The following DBT variants were observed in gnomAD, a reference collection of about 807,000 sequenced individuals.
DBT encodes lipoamide acyltransferase component of branched-chain alpha-keto acid dehydrogenase complex, mitochondrial.
A neutral mutation model predicts 51.3 loss-of-function variants in DBT; 40 were observed. The ratio of observed to expected loss-of-function variants is 0.78; its 90% CI spans 0.61 to 1.02. The LOEUF (loss-of-function observed/expected upper bound fraction) is 1.02, where lower values mean the gene tolerates loss of function less well. Ranked by LOEUF, DBT falls within the 50% of genes least tolerant of loss-of-function variation. The pLI is 0.00. For missense variants in DBT, 510 were observed against 580.2 expected (o/e 0.88, Z 1.24); for synonymous variants, 181 against 190.4 (o/e 0.95, Z 0.41).
At chr1:100,234,989 T>C (rs1663782858) in intron 3 of DBT, among the ~76,000 whole-genome samples, 2 of 152,116 alleles carry the variant, frequency 1.3e-5, no homozygotes, top group South Asian at 4.1e-4. Flanking sequence ...AAAAATGGGG[T>C]AGAGGATGAA....
rs1664812664 is a variant in DBT at position 100,249,824 on chromosome 1, A to G, written c.-4T>C. The G allele has an allele frequency of 6.2e-7, 1 of 1,613,954 alleles. No individual in the cohort carries two copies. Among genetic ancestry groups the G allele is most frequent in the East Asian group, 2.2e-5 (1 of 44,860 alleles). ...TCAGCATACGGACTGCAGCCATCTTACCCCGGAAATGACAACAGTGCCGCA... is the reference window on the plus strand; with the variant it reads ...TCAGCATACGGACTGCAGCCATCTTGCCCCGGAAATGACAACAGTGCCGCA... On this transcript the variant is annotated 5_prime_UTR_variant, in exon 1 of 11. Coordinates refer to ENST00000370132, the MANE Select transcript of DBT (RefSeq NM_001918.5).
chr1:100,214,980 A>G lies in DBT; in HGVS notation c.776T>C (p.Phe259Ser). The change falls in exon 7 of 11, where the codon TTT becomes TCT. Residue 259 changes from phenylalanine to serine, a missense_variant. Coordinates refer to ENST00000370132, the MANE Select transcript of DBT (RefSeq NM_001918.5). ...GKDKTEPIKGFQKAMVKTMSA... is the reference protein window; with the variant it reads ...GKDKTEPIKGSQKAMVKTMSA... ...CATAGTCTTGACCATTGCTTTTTGAAAGCCTGAAAAGCATTAAATTGTTAT... is the reference window on the plus strand; with the variant it reads ...CATAGTCTTGACCATTGCTTTTTGAGAGCCTGAAAAGCATTAAATTGTTAT... 7.5e-6 allele frequency: 12 copies of G among 1,601,828 alleles called. No homozygotes were observed. Among genetic ancestry groups the G allele is most frequent in the Non-Finnish European group, 1.0e-5 (12 of 1,168,850 alleles).
chr1:100,232,306 TTG>T (rs1663594647), intron 3 of DBT, among the ~76,000 whole-genome samples: 1 of 152,064 alleles, frequency 6.6e-6, no homozygotes, highest in Non-Finnish European at 1.5e-5. Flanking sequence ...GTTGTTGTTG[TTG>T]TTGTTGTTGT....
At chr1:100,245,950 TC>T (rs1192563476) in intron 1 of DBT, among the ~76,000 whole-genome samples, 2 of 147,196 alleles carry the variant, frequency 1.4e-5, no homozygotes, top group African/African-American at 5.1e-5. Flanking sequence ...AGAACTTGTC[TC>T]AAAAATAATA....
rs550926977 is a variant in DBT, at chr1:100,221,085, T to G, written c.434-2338A>C. Among the ~76,000 whole-genome samples the G allele has an allele frequency of 2.6e-5, 4 of 152,316 alleles. No individual in the cohort carries two copies. In the East Asian group the frequency reaches 7.7e-4, roughly 29 times the overall value. On this transcript the variant is annotated intron_variant, in intron 4 of 10. Transcript: ENST00000370132. ...ATCCAAATATATAACATACAAAAATTATTACATTATTCCAAAAGACCAAGT... is the reference window on the plus strand; with the variant it reads ...ATCCAAATATATAACATACAAAAATGATTACATTATTCCAAAAGACCAAGT...
intron 4 of DBT, among the ~76,000 whole-genome samples, chr1:100,224,991 C>T (rs1663082916): frequency 1.4e-5 from 2 of 138,790 alleles, no homozygotes; most frequent in South Asian, 4.7e-4. Context: ...TGCACTCCAG[C>T]CTGGCGACAG....
chr1:100,195,505 TATTTC>T lies in DBT; in HGVS notation c.*745_*749del, dbSNP rs774721191. ...CTCAAAAGAGAAGTATAATTGCACT[TATTTC>T]ATACAACAATTAGCATAATAACGGA... On this transcript the variant is annotated 3_prime_UTR_variant, in exon 11 of 11. Coordinates refer to ENST00000370132, the MANE Select transcript of DBT (RefSeq NM_001918.5). The T allele has an allele frequency of 3.3e-5, 5 of 152,408 alleles. No individual in the cohort carries two copies. Among genetic ancestry groups the T allele is most frequent in the African/African-American group, 4.8e-5 (2 of 41,564 alleles). The allele number at this position is 152,408 out of a possible 1,614,324, so 9.4% of individuals were successfully genotyped here.
rs2100760846 is a variant in DBT, at chr1:100,196,297, G to C, written c.1407C>G (p.Ser469=). 1.9e-6 allele frequency: 3 copies of C among 1,613,732 alleles called. No individual in the cohort carries two copies. Residue 469 remains serine, a synonymous_variant, in exon 11 of 11, where the codon TCC becomes TCG. Transcript: ENST00000370132. ...GCATAAAAGCTGGGTTTTCTAAATA[G>C]GATTTCCACAAATTGGAGAAGCGTG... The part of the protein sequence containing the change: ...TMSRFSNLWK[S]YLENPAFMLL...
At chr1:100,235,868 G>A (rs1663832394) in intron 2 of DBT, among the ~76,000 whole-genome samples, 1 of 152,158 alleles carries the variant, frequency 6.6e-6, no homozygotes, top group Non-Finnish European at 1.5e-5. Context: ...GACCCAGCTA[G>A]ATATCCTTGT....
rs1453403647 is a variant in DBT, at chr1:100,196,041, C to T, written c.*214G>A. On this transcript the variant is annotated 3_prime_UTR_variant, in exon 11 of 11. Transcript: ENST00000370132. ...CCATATTAAGAAGTCACACTCTGAC[C>T]TATAAAATGTGACAGCCCCAGGAGA... 1.5e-5 allele frequency: 9 copies of T among 597,572 alleles called. 1 individual carries two copies. The highest frequency in any genetic ancestry group is 1.2e-4 in the South Asian group (6 of 50,018). 37.0% of individuals were successfully genotyped at this position (597,572 alleles called of 1,614,324 possible). A position where few individuals can be genotyped will look rare whatever the true frequency, so the allele number is the denominator to read the frequency against.
intron 1 of DBT, among the ~76,000 whole-genome samples, chr1:100,241,368 G>T (rs1261925296): frequency 7.0e-4 from 4 of 5,732 alleles, no homozygotes; most frequent in African/African-American, 7.6e-4. Context: ...GAAAGGTATT[G>T]TGTGTGTGTG....
chr1:100,248,095 C>T (rs1664651582), intron 1 of DBT, among the ~76,000 whole-genome samples: 1 of 148,166 alleles, frequency 6.7e-6, no homozygotes, highest in Admixed American at 6.7e-5. Context: ...GAGAGAGACT[C>T]CATTTCAAAA....
rs1236976273 is a variant in DBT, at chr1:100,193,114, A to G, written c.*3141T>C. Reference sequence around the variant, plus strand: ...AAATCCTTTGCTGAATTCTCAATGCATGAGACCAAAGAGAAGATAGTAATA... The same window carrying G: ...AAATCCTTTGCTGAATTCTCAATGCGTGAGACCAAAGAGAAGATAGTAATA... On this transcript the variant is annotated 3_prime_UTR_variant, in exon 11 of 11. Transcript: ENST00000370132. 6.6e-6 allele frequency: 1 copy of G among 152,248 alleles called. No individual in the cohort carries two copies. The highest frequency in any genetic ancestry group is 1.5e-5 in the Non-Finnish European group (1 of 68,064). 9.4% of individuals were successfully genotyped at this position (152,248 alleles called of 1,614,324 possible).
intron 1 of DBT, among the ~76,000 whole-genome samples, chr1:100,245,550 A>G (rs1664484929): frequency 6.6e-6 from 1 of 152,234 alleles, no homozygotes; most frequent in Non-Finnish European, 1.5e-5. Context: ...ATTCAAGGCA[A>G]TTATTAATAA....
Position 100,218,704 on chromosome 1 carries a change from A to G in DBT, c.477T>C (p.Asp159=). The change falls in exon 5 of 11, where the codon GAT becomes GAC. Residue 159 remains aspartate (D), a synonymous_variant. Coordinates refer to ENST00000370132, the MANE Select transcript of DBT (RefSeq NM_001918.5). ...CCTTTATCTCTTGGTGTGTATGTTC[A>G]TCATGAGACACTGCAGGAGTTTCAA... The part of the protein sequence containing the change: ...DVVETPAVSH[D]EHTHQEIKGR... 6.2e-7 allele frequency: 1 copy of G among 1,614,046 alleles called. No individual in the cohort carries two copies. Among genetic ancestry groups the G allele is most frequent in the East Asian group, 2.2e-5 (1 of 44,876 alleles).
At chr1:100,244,927 T>G (rs1664455505) in intron 1 of DBT, among the ~76,000 whole-genome samples, 1 of 151,852 alleles carries the variant, frequency 6.6e-6, no homozygotes, top group African/African-American at 2.4e-5. Context: ...ACTGAGGTAA[T>G]TAATAGTAGA....
intron 2 of DBT, among the ~76,000 whole-genome samples, chr1:100,238,594 C>T (rs1337774883): frequency 1.3e-5 from 2 of 152,032 alleles, no homozygotes; most frequent in Non-Finnish European, 2.9e-5. Flanking sequence ...CTCTGGGGCT[C>T]AGGTGATCCT....
intron 4 of DBT, 68 bp downstream of exon 4, chr1:100,230,665 A>G (rs903431782): frequency 9.7e-7 from 1 of 1,027,574 alleles, no homozygotes; most frequent in Middle Eastern, 3.1e-4. Context: ...ATCACTTTTA[A>G]TTGGGACCCA....
Position 100,215,980 on chromosome 1 carries a change from T to C in DBT, c.772+3A>G, listed in dbSNP as rs1662453208. On this transcript the variant is annotated splice_donor_region_variant and intron_variant, in intron 6 of 10. Transcript: ENST00000370132. ...CTTATAGTATTGTTATTATTATCAT[T>C]ACCTTTTATGGGTTCTGTTTTGTCT... 2 of 1,522,988 alleles carry C rather than the reference T, an allele frequency of 1.3e-6. No homozygotes were observed. The highest frequency in any genetic ancestry group is 2.2e-5 in the South Asian group (2 of 89,236). 94.3% of individuals were successfully genotyped at this position (1,522,988 alleles called of 1,614,324 possible). A position where few individuals can be genotyped will look rare whatever the true frequency, so the allele number is the denominator to read the frequency against.
Sources: gnomAD v4.1 joint callset for allele counts (sites outside exome capture counted in the v4.1 genomes callset) on GRCh38, gnomAD v4.1.1 for gene constraint, MANE v1.5 for transcripts, NCBI Gene and HGNC (gene_info 2026-07-23, HGNC 2026-07-21) for gene names.